The following HADHA variants were observed in gnomAD, a reference collection of about 807,000 sequenced individuals.
HADHA encodes the protein hydroxyacyl-CoA dehydrogenase trifunctional multienzyme complex subunit alpha, also known as trifunctional enzyme subunit alpha, mitochondrial.
Under a neutral mutation model 91.3 loss-of-function variants are expected in HADHA, and 59 were observed. The ratio of observed to expected loss-of-function variants is 0.65; its 90% CI spans 0.52 to 0.80. The LOEUF is 0.80. Among genes scored for constraint, HADHA ranks in the 30% least tolerant of loss-of-function variants. HADHA has a pLI of 0.00. For synonymous variants in HADHA, 320 were observed against 338.9 expected (o/e 0.94, Z 0.61); for missense variants, 800 against 927.6 (o/e 0.86, Z 1.79).
At chr2:26,204,581 ATCTT>A (rs547049060) in intron 11 of HADHA, among the ~76,000 whole-genome samples, 30 of 152,076 alleles carry the variant, frequency 2.0e-4, no homozygotes, top group African/African-American at 3.1e-4. Flanking sequence ...TCTGCCAGTC[ATCTT>A]TCTTTCTTTT....
intron 1 of HADHA, 65 bp downstream of exon 1, chr2:26,244,465 G>A (rs923245626): frequency 8.6e-6 from 13 of 1,508,486 alleles, no homozygotes; most frequent in Non-Finnish European, 1.1e-5. Flanking sequence ...ACGCGGCTCC[G>A]GGGCCACCCC....
At chr2:26,241,029 T>C (rs1321660296) in intron 1 of HADHA, among the ~76,000 whole-genome samples, 1 of 152,218 alleles carries the variant, frequency 6.6e-6, no homozygotes, top group Non-Finnish European at 1.5e-5. Flanking sequence ...AGTCTAGCCT[T>C]ACTCACTACC....
intron 11 of HADHA, among the ~76,000 whole-genome samples, chr2:26,207,008 G>A (rs1391429091): frequency 1.3e-5 from 2 of 152,114 alleles, no homozygotes; most frequent in African/African-American, 4.8e-5. Flanking sequence ...GATCAGCCTG[G>A]GCAACTTAGC....
At chr2:26,192,271 A>C (rs1558313892) in intron 18 of HADHA, 39 bp downstream of exon 18, 1 of 1,055,020 alleles carries the variant, frequency 9.5e-7, no homozygotes, top group Non-Finnish European at 1.5e-6. Flanking sequence ...CTGTCAGAGA[A>C]AGTCAATTTC....
At chr2:26,203,921 T>C in intron 12 of HADHA, 141 bp downstream of exon 12, 1 of 851,982 alleles carries the variant, frequency 1.2e-6, no homozygotes, top group Non-Finnish European at 2.0e-6. Flanking sequence ...ACGGAGTATC[T>C]AGAACTCATT....
At chr2:26,223,322 C>A (rs1374127989) in intron 7 of HADHA, among the ~76,000 whole-genome samples, 1 of 152,042 alleles carries the variant, frequency 6.6e-6, no homozygotes. Context: ...TCAAATGTGG[C>A]AGATCTCTTA....
intron 5 of HADHA, among the ~76,000 whole-genome samples, chr2:26,232,491 G>A (rs1469861855): frequency 6.6e-6 from 1 of 151,426 alleles, no homozygotes; most frequent in Non-Finnish European, 1.5e-5. Flanking sequence ...TTTTTGGGCC[G>A]TAGATCTCCT....
intron 1 of HADHA, 116 bp from the exon 2 acceptor site, chr2:26,239,259 A>C: frequency 2.5e-6 from 2 of 786,372 alleles, no homozygotes; most frequent in Non-Finnish European, 2.3e-6. Flanking sequence ...AATCTGTACA[A>C]TGTATTCTAG....
intron 3 of HADHA, among the ~76,000 whole-genome samples, chr2:26,237,512 A>C (rs1670791098): frequency 6.6e-6 from 1 of 152,162 alleles, no homozygotes; most frequent in Non-Finnish European, 1.5e-5. Flanking sequence ...CTATAGTCCC[A>C]GCTACTCAGG....
chr2:26,244,236 G>A (rs1671013129), intron 1 of HADHA, among the ~76,000 whole-genome samples: 1 of 152,230 alleles, frequency 6.6e-6, no homozygotes, highest in Non-Finnish European at 1.5e-5. Context: ...TATGAGGGGC[G>A]TGAGCCCAGA....
chr2:26,223,591 T>A (rs1670423174), intron 7 of HADHA, among the ~76,000 whole-genome samples: 1 of 152,182 alleles, frequency 6.6e-6, no homozygotes, highest in Non-Finnish European at 1.5e-5. Context: ...AGTCAAGGAC[T>A]TGGGTCTCTG....
At chr2:26,225,665 G>A (rs1372456966) in intron 7 of HADHA, among the ~76,000 whole-genome samples, 1 of 152,094 alleles carries the variant, frequency 6.6e-6, no homozygotes, top group Non-Finnish European at 1.5e-5. Context: ...CTCTGTAGAT[G>A]GAGAAAAGGC....
rs1228963731 is a variant in HADHA at position 26,197,678 on chromosome 2, G to T, written c.1479+13C>A. ...ATAAAACATCTCAGGGTTTTTCTCT[G>T]TTCCGAGTTTACCTTCTCAGGTCTT... On this transcript the variant is annotated intron_variant, in intron 14 of 19. Transcript: ENST00000380649. 1 of 1,222,008 alleles carries T rather than the reference G, an allele frequency of 8.2e-7. No homozygotes were observed. Among genetic ancestry groups the T allele is most frequent in the Non-Finnish European group, 1.2e-6 (1 of 821,586 alleles). The allele number at this position is 1,222,008 out of a possible 1,614,324, so 75.7% of individuals were successfully genotyped here.
rs116102812 is a variant in HADHA at position 26,220,609 on chromosome 2, G to A, written c.677-5434C>T. Among the ~76,000 whole-genome samples, 413 of 152,296 alleles carry A rather than the reference G, an allele frequency of 2.7e-3. 1 individual carries two copies. Among genetic ancestry groups the A allele is most frequent in the African/African-American group, 9.6e-3 (401 of 41,568 alleles). ...AATTCTAACTGGTGTTCCAGATGTC[G>A]TTTTATTGCTTGAACAAATTAACAT... On this transcript the variant is annotated intron_variant, in intron 7 of 19. Transcript: ENST00000380649.
At chr2:26,201,961 ATTTT>A (rs36063094) in intron 12 of HADHA, among the ~76,000 whole-genome samples, 2 of 137,194 alleles carry the variant, frequency 1.5e-5, no homozygotes, top group Non-Finnish European at 3.1e-5. Context: ...CGCCTGGCTA[ATTTT>A]TTTTTTTTTT....
At chr2:26,195,450 T>C (rs1034381659) in intron 14 of HADHA, among the ~76,000 whole-genome samples, 1 of 151,936 alleles carries the variant, frequency 6.6e-6, no homozygotes, top group African/African-American at 2.4e-5. Context: ...GCTTCTAAGG[T>C]TTTTCACTAC....
At chr2:26,220,342 T>C (rs924631469) in intron 7 of HADHA, among the ~76,000 whole-genome samples, 21 of 152,218 alleles carry the variant, frequency 1.4e-4, no homozygotes, top group Non-Finnish European at 1.2e-4. Context: ...AGGGCTACTA[T>C]GGTGGGAAAG....
intron 12 of HADHA, among the ~76,000 whole-genome samples, chr2:26,203,458 A>G (rs1196335020): frequency 6.6e-6 from 1 of 152,196 alleles, no homozygotes; most frequent in Non-Finnish European, 1.5e-5. Context: ...GTGGTGAGGA[A>G]GGGGAATAAT....
At chr2:26,235,288 A>G (rs1187317923) in intron 4 of HADHA, 1 of 152,212 alleles carries the variant, frequency 6.6e-6, no homozygotes, top group East Asian at 1.9e-4. Flanking sequence ...CAGCCTGGAC[A>G]GCAGAGGGAG....
Sources: allele counts gnomAD v4.1 joint callset (sites outside exome capture counted in the v4.1 genomes callset), GRCh38; gene constraint gnomAD v4.1.1; transcripts MANE v1.5; gene names NCBI Gene and HGNC (gene_info 2026-07-23, HGNC 2026-07-21).